Variants in TPO observed in about 807,000 individuals in gnomAD.
The protein encoded by TPO is thyroid microsomal antigen.
In TPO, 78 loss-of-function variants were observed where a neutral mutation model predicts 96.9. The ratio of observed to expected loss-of-function variants is 0.81; its 90% CI spans 0.67 to 0.97. The LOEUF is 0.97. Ranked by LOEUF, TPO falls within the 50% of genes least tolerant of loss-of-function variation. The probability of loss-of-function intolerance (pLI) is 0.00; values close to 1 mark genes in which losing one functional copy is unlikely to be tolerated. For missense variants in TPO, 1,252 were observed against 1,274.8 expected, an observed-to-expected ratio of 0.98 and a Z score of 0.27; for synonymous variants, 547 against 538.0, an observed-to-expected ratio of 1.02 and a Z score of -0.23.
At chr2:1,517,927 C>T (rs1674870931) in intron 15 of TPO, among the ~76,000 whole-genome samples, 1 of 150,690 alleles carries the variant, frequency 6.6e-6, no homozygotes, top group African/African-American at 2.4e-5. Flanking sequence ...TCTGCTCTCC[C>T]TGAGTGCCAG....
At chr2:1,538,570 A>G (rs1016933589) in intron 15 of TPO, among the ~76,000 whole-genome samples, 1 of 152,246 alleles carries the variant, frequency 6.6e-6, no homozygotes, top group Non-Finnish European at 1.5e-5. Context: ...CAATTATTTT[A>G]ATTTAAATTT....
chr2:1,480,634 C>T (rs1670471614), intron 8 of TPO, among the ~76,000 whole-genome samples: 1 of 122,348 alleles, frequency 8.2e-6, no homozygotes, highest in East Asian at 2.2e-4. Flanking sequence ...CTAATGCACA[C>T]ATCAGCAAGA....
At chr2:1,534,976 TC>T (rs1433816848) in intron 15 of TPO, among the ~76,000 whole-genome samples, 1 of 125,354 alleles carries the variant, frequency 8.0e-6, no homozygotes, top group Non-Finnish European at 1.6e-5. Flanking sequence ...CCTCCTCAAA[TC>T]CCCCCAGTGT....
intron 15 of TPO, among the ~76,000 whole-genome samples, chr2:1,537,667 GCAAATCCCCCTACTCTGTGGAACCTCCT>G (rs1680131741): frequency 3.6e-5 from 2 of 54,824 alleles, no homozygotes; most frequent in Non-Finnish European, 6.7e-5. Context: ...TGCAACCTCC[GCAAATCCCCCTACTCTGTGGAACCTCCT>G]CAAATCCCAA....
chr2:1,491,180 A>C (rs74701768), intron 10 of TPO, among the ~76,000 whole-genome samples: 4 of 151,546 alleles, frequency 2.6e-5, no homozygotes, highest in South Asian at 2.1e-4. Flanking sequence ...AAAAAAAACC[A>C]AAAAAACACT....
chr2:1,421,043 G>T (rs1325267309), intron 2 of TPO, among the ~76,000 whole-genome samples: 1 of 152,068 alleles, frequency 6.6e-6, no homozygotes, highest in Non-Finnish European at 1.5e-5. Context: ...AGGACCAAAG[G>T]AGGGTGAGAG....
intron 3 of TPO, among the ~76,000 whole-genome samples, chr2:1,432,022 A>G (rs908761856): frequency 6.6e-6 from 1 of 152,124 alleles, no homozygotes; most frequent in African/African-American, 2.4e-5. Context: ...CCACTCACAC[A>G]CCTGCCGTGG....
At chr2:1,483,330 A>G (rs1670818226) in intron 8 of TPO, among the ~76,000 whole-genome samples, 1 of 152,220 alleles carries the variant, frequency 6.6e-6, no homozygotes, top group African/African-American at 2.4e-5. Flanking sequence ...GCAGGCAAGA[A>G]GGGGAAGAGG....
At chr2:1,460,871 GC>G (rs1668362135) in intron 7 of TPO, among the ~76,000 whole-genome samples, 1 of 152,112 alleles carries the variant, frequency 6.6e-6, no homozygotes, top group Admixed American at 6.5e-5. Flanking sequence ...CCACCTTTGG[GC>G]TCCCCTGGAG....
upstream of TPO, among the ~76,000 whole-genome samples, chr2:1,412,371 CCT>C (rs1662434864): frequency 1.3e-5 from 2 of 152,180 alleles, no homozygotes; most frequent in South Asian, 4.2e-4. Flanking sequence ...TCTGGTCCTT[CCT>C]CTCTATCCAA....
rs902334554 is a variant in TPO at position 1,414,679 on chromosome 2, C to A, written c.94+177C>A. ...GATTTTAGAAGGATTGAAATATGTA[C>A]ATTTCTTTCTTTAAAAAAGAGCTGA... On this transcript the variant is annotated intron_variant, in intron 2 of 16. Coordinates refer to ENST00000329066, the MANE Select transcript of TPO (RefSeq NM_001206744.2). Among the ~76,000 whole-genome samples the A allele has an allele frequency of 2.0e-5, 3 of 151,976 alleles. No homozygotes were observed. The East Asian group carries it at 5.8e-4, about 29-fold the overall frequency.
chr2:1,540,117 C>T (rs1034737559), intron 15 of TPO, among the ~76,000 whole-genome samples: 4 of 152,198 alleles, frequency 2.6e-5, no homozygotes, highest in African/African-American at 9.6e-5. Context: ...TCCACCCTTG[C>T]TCCTCTGGGA....
intron 7 of TPO, among the ~76,000 whole-genome samples, chr2:1,461,008 C>T (rs139984824): frequency 0.012 from 1,855 of 152,246 alleles, 99 homozygotes; most frequent in Admixed American, 0.11. Flanking sequence ...TGCAAGTCTG[C>T]GGCTGCTATT....
intron 6 of TPO, among the ~76,000 whole-genome samples, chr2:1,454,986 A>C (rs1667655696): frequency 1.3e-5 from 2 of 152,232 alleles, no homozygotes; most frequent in African/African-American, 4.8e-5. Context: ...AAGGTGTTGC[A>C]GAGCTGGTTC....
At chr2:1,490,030 AGGG>A in intron 10 of TPO, among the ~76,000 whole-genome samples, 1 of 88,022 alleles carries the variant, frequency 1.1e-5, no homozygotes, top group Admixed American at 1.1e-4. Context: ...GGTCCCACAC[AGGG>A]GGAGTCGCGA....
chr2:1,429,074 C>T (rs76396893), intron 3 of TPO, among the ~76,000 whole-genome samples: 3,507 of 152,256 alleles, frequency 0.023, 123 homozygotes, highest in East Asian at 0.14. Flanking sequence ...AAATGTCATA[C>T]GCATTTGTAT....
At chr2:1,533,386 TC>T (rs1678801061) in intron 15 of TPO, among the ~76,000 whole-genome samples, 1 of 115,626 alleles carries the variant, frequency 8.6e-6, no homozygotes, top group African/African-American at 3.3e-5. Flanking sequence ...CCTCCTCAAA[TC>T]CCCACACTGT....
In TPO at chr2:1,433,514, G is replaced by C. The variant is rs1354553631; in HGVS notation, c.256G>C (p.Val86Leu). The C allele has an allele frequency of 6.2e-7, 1 of 1,614,212 alleles. No individual in the cohort carries two copies. The highest frequency in any genetic ancestry group is 8.5e-7 in the Non-Finnish European group (1 of 1,180,050). ...FSKLPEPTSG[V>L]IARAAEIMET... ...CAAACTTCCTGAGCCAACAAGCGGA[G>C]TGATTGCCCGAGCAGCAGAGATAAT... is the stretch of plus-strand genomic sequence containing the variant. The change falls in exon 4 of 17, where the codon GTG (valine) becomes CTG (leucine). Residue 86 changes from valine (V) to leucine (L), a missense_variant. Coordinates refer to ENST00000329066, the MANE Select transcript of TPO (RefSeq NM_001206744.2).
chr2:1,509,085 G>A (rs7579188), intron 14 of TPO, among the ~76,000 whole-genome samples: 1 of 152,292 alleles, frequency 6.6e-6, no homozygotes, highest in African/African-American at 2.4e-5. Context: ...GGTATGTTGT[G>A]TCTTTGTTCT....
Sources: allele counts gnomAD v4.1 joint callset (sites outside exome capture counted in the v4.1 genomes callset), GRCh38; gene constraint gnomAD v4.1.1; transcripts MANE v1.5; gene names NCBI Gene and HGNC (gene_info 2026-07-23, HGNC 2026-07-21).